The following MVB12B variants were observed in gnomAD, a reference collection of about 807,000 sequenced individuals.
MVB12B encodes the protein multivesicular body subunit 12B.
A neutral mutation model predicts 41.6 loss-of-function variants in MVB12B; 16 were observed. The ratio of observed to expected loss-of-function variants is 0.38; its 90% CI spans 0.26 to 0.58. The LOEUF is 0.58. Among genes scored for constraint, MVB12B ranks in the 20% least tolerant of loss-of-function variants. The pLI is 0.62. For synonymous variants in MVB12B, 133 were observed against 139.7 expected (o/e 0.95, Z 0.34); for missense variants, 274 against 380.2 (o/e 0.72, Z 2.32).
intron 7 of MVB12B, among the ~76,000 whole-genome samples, chr9:126,441,848 T>C (rs1832649098): frequency 6.6e-6 from 1 of 152,356 alleles, no homozygotes; most frequent in Middle Eastern, 3.4e-3. Flanking sequence ...GGACCATTAA[T>C]GATTAGAGCA....
At chr9:126,356,508 G>A (rs994532140) in intron 2 of MVB12B, among the ~76,000 whole-genome samples, 1 of 152,058 alleles carries the variant, frequency 6.6e-6, no homozygotes, top group Non-Finnish European at 1.5e-5. Context: ...ATGAGTTTTG[G>A]AGTATGTATG....
At chr9:126,502,869 C>T (rs1027156199) in intron 9 of MVB12B, among the ~76,000 whole-genome samples, 2 of 152,186 alleles carry the variant, frequency 1.3e-5, no homozygotes, top group Non-Finnish European at 2.9e-5. Context: ...TGGGCGGCAC[C>T]GTGGTTTTAC....
chr9:126,348,446 A>G (rs2118850467), intron 2 of MVB12B, among the ~76,000 whole-genome samples: 1 of 152,304 alleles, frequency 6.6e-6, no homozygotes, highest in African/African-American at 2.4e-5. Flanking sequence ...TCCTCTTAGA[A>G]ATAGTGGCTT....
At chr9:126,420,404 T>A (rs1054419974) in intron 6 of MVB12B, among the ~76,000 whole-genome samples, 10 of 152,176 alleles carry the variant, frequency 6.6e-5, no homozygotes, top group Non-Finnish European at 1.2e-4. Context: ...GGGCTGTGGC[T>A]GAGTGTCCGC....
chr9:126,376,364 T>G lies in MVB12B; in HGVS notation c.205-4700T>G. 2.0e-6 allele frequency: 1 copy of G among 498,808 alleles called. No homozygotes were observed. The highest frequency in any genetic ancestry group is 7.0e-5 in the East Asian group (1 of 14,232). The allele number at this position is 498,808 out of a possible 1,614,324, so 30.9% of individuals were successfully genotyped here. On this transcript the variant is annotated intron_variant, in intron 2 of 9. Transcript: ENST00000361171. The surrounding 1 kb of genome is among the most constrained non-coding windows in gnomAD (Gnocchi z 4.1). ...TTCTCTTTGCTACCTTCAAGCTCCC[T>G]TTTTTCTATTTTGGGCCCTTCTGTC...
intron 2 of MVB12B, among the ~76,000 whole-genome samples, chr9:126,343,097 A>G (rs1026348790): frequency 6.6e-6 from 1 of 152,190 alleles, no homozygotes; most frequent in African/African-American, 2.4e-5. Flanking sequence ...AAGGTGCCAA[A>G]TGTTCATTTA....
At chr9:126,434,445 A>G (rs1281118820) in intron 7 of MVB12B, among the ~76,000 whole-genome samples, 1 of 152,176 alleles carries the variant, frequency 6.6e-6, no homozygotes, top group African/African-American at 2.4e-5. Flanking sequence ...TATAGCATGA[A>G]CGATCGCATG....
At chr9:126,375,026 T>TCCCTC (rs1830440828) in intron 2 of MVB12B, among the ~76,000 whole-genome samples, 5 of 152,324 alleles carry the variant, frequency 3.3e-5, no homozygotes, top group Admixed American at 2.0e-4. Context: ...TTCCACTTTT[T>TCCCTC]AAGATTTTTT....
At chr9:126,378,215 A>T (rs1242023453) in intron 2 of MVB12B, among the ~76,000 whole-genome samples, 5 of 152,230 alleles carry the variant, frequency 3.3e-5, no homozygotes, top group African/African-American at 9.6e-5. Flanking sequence ...GGGCGTGGGC[A>T]CTGTCAGGTA....
At chr9:126,356,507 G>A (rs1829884314) in intron 2 of MVB12B, among the ~76,000 whole-genome samples, 1 of 152,016 alleles carries the variant, frequency 6.6e-6, no homozygotes, top group Admixed American at 6.6e-5. Flanking sequence ...GATGAGTTTT[G>A]GAGTATGTAT....
chr9:126,451,249 C>T (rs1832882838), intron 7 of MVB12B, among the ~76,000 whole-genome samples: 1 of 152,170 alleles, frequency 6.6e-6, no homozygotes, highest in African/African-American at 2.4e-5. Flanking sequence ...GCATGAAAAG[C>T]CTCATTCAAG....
At chr9:126,362,980 A>G (rs938568807) in intron 2 of MVB12B, among the ~76,000 whole-genome samples, 46 of 152,284 alleles carry the variant, frequency 3.0e-4, no homozygotes, top group African/African-American at 1.1e-3. Context: ...TGAGGTCAGG[A>G]GTTCGAGACC....
At chr9:126,405,603 G>A (rs1368833727) in intron 6 of MVB12B, among the ~76,000 whole-genome samples, 1 of 151,844 alleles carries the variant, frequency 6.6e-6, no homozygotes, top group Non-Finnish European at 1.5e-5. Flanking sequence ...ATATTTCCCA[G>A]GATTTTACTA....
chr9:126,392,620 C>T lies in MVB12B; in HGVS notation c.539+425C>T, dbSNP rs572144804. Among the ~76,000 whole-genome samples, 46 of 152,242 alleles carry T rather than the reference C, an allele frequency of 3.0e-4. No homozygotes were observed. The highest frequency in any genetic ancestry group is 5.0e-4 in the Non-Finnish European group (34 of 68,026). ...GAGCTGATGTTCTAAAAGGGACAGA[C>T]GAGCAATAAACAAGAAAATAAATGA... On this transcript the variant is annotated intron_variant, in intron 5 of 9. Coordinates refer to ENST00000361171, the MANE Select transcript of MVB12B (RefSeq NM_033446.3). The surrounding 1 kb of genome is among the most constrained non-coding windows in gnomAD (Gnocchi z 4.8).
intron 2 of MVB12B, among the ~76,000 whole-genome samples, chr9:126,372,592 G>A (rs997383009): frequency 6.6e-6 from 1 of 152,134 alleles, no homozygotes; most frequent in Non-Finnish European, 1.5e-5. Flanking sequence ...GTTCTGAAGT[G>A]GTATCTCATT....
At chr9:126,447,656 A>G (rs1450115765) in intron 7 of MVB12B, among the ~76,000 whole-genome samples, 2 of 152,198 alleles carry the variant, frequency 1.3e-5, no homozygotes, top group Non-Finnish European at 2.9e-5. Flanking sequence ...TCTCTGTCAC[A>G]GTGTTTGAGA....
chr9:126,374,131 C>T (rs375703848), intron 2 of MVB12B, among the ~76,000 whole-genome samples: 23 of 152,364 alleles, frequency 1.5e-4, no homozygotes, highest in African/African-American at 5.5e-4. Context: ...TTTATCATCT[C>T]CCACTCTTAC....
At chr9:126,355,558 C>T (rs1829859736) in intron 2 of MVB12B, among the ~76,000 whole-genome samples, 1 of 152,212 alleles carries the variant, frequency 6.6e-6, no homozygotes, top group South Asian at 2.1e-4. Flanking sequence ...AACTTAAGGC[C>T]TGCTGGCTTC....
rs1189953345 is a variant in MVB12B, at chr9:126,473,175, T to G, written c.758-8194T>G. Among the ~76,000 whole-genome samples the G allele has an allele frequency of 6.6e-6, 1 of 152,092 alleles. No homozygotes were observed. The highest frequency in any genetic ancestry group is 1.9e-4 in the East Asian group (1 of 5,190). On this transcript the variant is annotated intron_variant, in intron 7 of 9. Transcript: ENST00000361171. The surrounding 1 kb of genome is among the most constrained non-coding windows in gnomAD (Gnocchi z 4.0). The stretch of plus-strand genomic sequence containing the variant: ...GGCAGCTGTAGTATTATGCCCACCT[T>G]ACAGACAGGGCAAGTAAGGCTCAGA...
Sources: allele counts gnomAD v4.1 joint callset (sites outside exome capture counted in the v4.1 genomes callset), GRCh38; gene constraint gnomAD v4.1.1; non-coding constraint Gnocchi (gnomAD v3.1); transcripts MANE v1.5; gene names NCBI Gene and HGNC (gene_info 2026-07-23, HGNC 2026-07-21).